KLC2: variants seen among roughly 807,000 people sequenced by gnomAD.
KLC2 encodes kinesin light chain 2.
A neutral mutation model predicts 75.1 loss-of-function variants in KLC2; 35 were observed. That is an observed-to-expected ratio of 0.47 (90% CI 0.36 to 0.62). The LOEUF (loss-of-function observed/expected upper bound fraction) is 0.62. Ranked by LOEUF, KLC2 falls within the 20% of genes least tolerant of loss-of-function variation. The probability of loss-of-function intolerance (pLI) is 0.00; values close to 1 mark genes in which losing one functional copy is unlikely to be tolerated. For missense variants in KLC2, 611 were observed against 833.2 expected, an observed-to-expected ratio of 0.73 and a Z score of 3.28; for synonymous variants, 314 against 336.7, an observed-to-expected ratio of 0.93 and a Z score of 0.74.
chr11:66,254,250 T>C (rs1044843046), upstream of KLC2, among the ~76,000 whole-genome samples: 14 of 152,232 alleles, frequency 9.2e-5, no homozygotes, highest in African/African-American at 2.9e-4. Context: ...AAAAAGCCCA[T>C]TGAGCCCGGT....
In KLC2 at chr11:66,263,757, G is replaced by A. The variant is rs1423597307; in HGVS notation, c.840+10G>A. 3.7e-6 allele frequency: 6 copies of A among 1,612,400 alleles called. No individual in the cohort carries two copies. Among genetic ancestry groups the A allele is most frequent in the Admixed American group, 3.3e-5 (2 of 60,004 alleles). ...CAAGGACCACCCAGCCGTGAGTGAG[G>A]GTTGGGTGGGAGGTGGGGGCTGTGC... On this transcript the variant is annotated intron_variant, in intron 6 of 15. Transcript: ENST00000394067.
rs186041288 is a variant in KLC2 at position 66,266,630 on chromosome 11, G to A, written c.1785+140G>A. 23 of 979,150 alleles carry A rather than the reference G, an allele frequency of 2.3e-5. No individual in the cohort carries two copies. The African/African-American group carries it at 3.4e-4, about 14-fold the overall frequency. The allele number at this position is 979,150 out of a possible 1,614,324, so 60.7% of individuals were successfully genotyped here. Reference sequence around the variant, plus strand: ...AGGCCTACTTTGGGCTGGACAACGGGGAGACACGAGGGGAACCCAGCCTCT... The same window carrying A: ...AGGCCTACTTTGGGCTGGACAACGGAGAGACACGAGGGGAACCCAGCCTCT... On this transcript the variant is annotated intron_variant, in intron 15 of 15. Transcript: ENST00000394067.
rs1306300268 is a variant in KLC2 at position 66,262,203 on chromosome 11, G to T, written c.529+11G>T. 2 of 1,611,484 alleles carry T rather than the reference G, an allele frequency of 1.2e-6. No homozygotes were observed. Among genetic ancestry groups the T allele is most frequent in the Non-Finnish European group, 1.7e-6 (2 of 1,178,286 alleles). On this transcript the variant is annotated intron_variant, in intron 4 of 15. Coordinates refer to ENST00000394067, the MANE Select transcript of KLC2 (RefSeq NM_001318734.2). The stretch of plus-strand genomic sequence containing the variant: ...ATGAGCAGAGCCCAGGTGCGGATGG[G>T]CAGTTCTGGAGTGGGGGAAGGAAAG...
rs770715787 is a variant in KLC2 at position 66,264,211 on chromosome 11, A to G, written c.1108A>G (p.Asn370Asp). 6.4e-7 allele frequency: 1 copy of G among 1,571,980 alleles called. No homozygotes were observed. The highest frequency in any genetic ancestry group is 8.6e-7 in the Non-Finnish European group (1 of 1,157,740). ...PDDPNVAKTK[N>D]NLASCYLKQG... is the part of the protein sequence containing the mutation. The stretch of plus-strand genomic sequence containing the variant: ...TGACCCCAATGTGGCCAAGACCAAG[A>G]ACAACCTGGTACCTTGGGGCTGAGA... Residue 370 changes from asparagine to aspartate, a missense_variant, in exon 8 of 16, where the codon AAC becomes GAC. Asn to Asp is a conservative substitution (Grantham distance 23, BLOSUM62 1). Coordinates refer to ENST00000394067, the MANE Select transcript of KLC2 (RefSeq NM_001318734.2).
upstream of KLC2, among the ~76,000 whole-genome samples, chr11:66,254,652 G>A (rs1315402305): frequency 3.1e-5 from 4 of 128,248 alleles, no homozygotes; most frequent in Non-Finnish European, 4.8e-5. Context: ...GTGACAGTGG[G>A]ACCTCGGCTC....
chr11:66,262,303 C>A, intron 4 of KLC2, 111 bp downstream of exon 4: 1 of 823,838 alleles, frequency 1.2e-6, no homozygotes, highest in Non-Finnish European at 2.0e-6. Flanking sequence ...TCATGACATC[C>A]TAGTGTGTTA....
chr11:66,248,321 A>G, the KLC2 span, among the ~76,000 whole-genome samples: 40 of 152,170 alleles, frequency 2.6e-4, no homozygotes, highest in Admixed American at 2.1e-3. Flanking sequence ...ACGATTATTA[A>G]CTAAAGTCCC....
At chr11:66,259,887 C>T (rs10791863) in intron 2 of KLC2, 26,567 of 152,056 alleles carry the variant, frequency 0.17, 2,401 homozygotes, top group East Asian at 0.27. Context: ...AGCATCACTC[C>T]CAAGTTTGTG....
upstream of KLC2, among the ~76,000 whole-genome samples, chr11:66,253,821 G>A (rs1420661845): frequency 3.3e-5 from 5 of 152,242 alleles, no homozygotes; most frequent in African/African-American, 7.2e-5. Flanking sequence ...AGCAGCCAGC[G>A]CCTAAGGAGA....
At chr11:66,252,453 C>T (rs1025884071), upstream of KLC2, among the ~76,000 whole-genome samples, 14 of 84,506 alleles carry the variant, frequency 1.7e-4, no homozygotes, top group South Asian at 1.8e-3. Flanking sequence ...TTAGTAGAGA[C>T]GGGGTTTCAC....
chr11:66,266,387 CG>C (rs770291149), intron 14 of KLC2, 45 bp from the exon 15 acceptor site: 5 of 1,561,608 alleles, frequency 3.2e-6, no homozygotes, highest in Non-Finnish European at 4.4e-6. Flanking sequence ...CCCCATCTCC[CG>C]TGAGTTCCTC....
chr11:66,254,647 A>G (rs1227848444), upstream of KLC2, among the ~76,000 whole-genome samples: 1 of 130,184 alleles, frequency 7.7e-6, no homozygotes, highest in Non-Finnish European at 1.6e-5. Flanking sequence ...CCTGGGTGAC[A>G]GTGGGACCTC....
At position 66,266,186 on chromosome 11, in the gene KLC2, G is replaced by C. The variant is rs1413986281; in HGVS notation, c.1696G>C (p.Gly566Arg). The change falls in exon 14 of 16, where the codon GGG becomes CGG. Residue 566 changes from glycine to arginine, a missense_variant. Physicochemically the swap from Gly to Arg is moderately radical, Grantham distance 125. Transcript: ENST00000394067. ...TGAGATGCTGGTAAAGAAGCTGCAG[G>C]GGGGCACCCCCCAGGAGCCCCCTAA... ...SSEMLVKKLQ[G>R]GTPQEPPNPR... The C allele has an allele frequency of 2.5e-6, 4 of 1,611,306 alleles. No individual in the cohort carries two copies. Among genetic ancestry groups the C allele is most frequent in the Non-Finnish European group, 3.4e-6 (4 of 1,179,122 alleles).
chr11:66,261,752 C>G lies in KLC2; in HGVS notation c.239C>G (p.Ala80Gly). 1 of 1,610,530 alleles carries G rather than the reference C, an allele frequency of 6.2e-7. No individual in the cohort carries two copies. The change falls in exon 3 of 16, where the codon GCA becomes GGA. Residue 80 changes from alanine (A) to glycine (G), a missense_variant. By Grantham distance (60) the Ala-to-Gly change is moderately conservative (BLOSUM62 0). Coordinates refer to ENST00000394067, the MANE Select transcript of KLC2 (RefSeq NM_001318734.2). ...GGGCTGGTTGCACAGGTGATCTTGG[C>G]ATTGTCGAGCCACCTGGGGGCTGTA... ...LGLGEAQVIL[A>G]LSSHLGAVES...
intron 11 of KLC2, 81 bp downstream of exon 11, chr11:66,265,316 C>A: frequency 8.2e-7 from 1 of 1,225,114 alleles, no homozygotes; most frequent in East Asian, 2.4e-5. Context: ...CCAACACACC[C>A]CTCCTCTGCT....
Position 66,267,414 on chromosome 11 carries a change from T to G in KLC2, c.*458T>G, listed in dbSNP as rs1565178515. On this transcript the variant is annotated 3_prime_UTR_variant, in exon 16 of 16. Coordinates refer to ENST00000394067, the MANE Select transcript of KLC2 (RefSeq NM_001318734.2). ...TACCCGGGCCTCCCCTCGTCCCTCTTCTAGTGGTACCGCCCAGGCCTTAAT... is the reference window on the plus strand; with the variant it reads ...TACCCGGGCCTCCCCTCGTCCCTCTGCTAGTGGTACCGCCCAGGCCTTAAT... The G allele has an allele frequency of 2.8e-6, 2 of 717,628 alleles. No homozygotes were observed. 44.5% of individuals were successfully genotyped at this position (717,628 alleles called of 1,614,324 possible).
rs1856815763 is a variant in KLC2, at chr11:66,266,227, C to T, written c.1727+10C>T. On this transcript the variant is annotated intron_variant, in intron 14 of 15. Coordinates refer to ENST00000394067, the MANE Select transcript of KLC2 (RefSeq NM_001318734.2). ...AGCCCCCTAACCCCAGGTGAGCCCC[C>T]CACCAAGGTGAGCCTCAAGAACCAC... 3.1e-6 allele frequency: 5 copies of T among 1,592,572 alleles called. No individual in the cohort carries two copies. The highest frequency in any genetic ancestry group is 4.3e-6 in the Non-Finnish European group (5 of 1,168,940).
rs956069314 is a variant in KLC2 at position 66,267,472 on chromosome 11, C to T, written c.*516C>T. On this transcript the variant is annotated 3_prime_UTR_variant, in exon 16 of 16. Coordinates refer to ENST00000394067, the MANE Select transcript of KLC2 (RefSeq NM_001318734.2). Reference sequence around the variant, plus strand: ...ATTCCGTGCGGTGGTATCTCCCAGGCTCTACATTCTCGGGAGCGGCGCCTC... The same window carrying T: ...ATTCCGTGCGGTGGTATCTCCCAGGTTCTACATTCTCGGGAGCGGCGCCTC... 4.2e-6 allele frequency: 3 copies of T among 707,644 alleles called. No homozygotes were observed. In the Admixed American group the frequency reaches 6.1e-5, roughly 14 times the overall value. The allele number at this position is 707,644 out of a possible 1,614,324, so 43.8% of individuals were successfully genotyped here. A position where few individuals can be genotyped will look rare whatever the true frequency, so the allele number is the denominator to read the frequency against.
At chr11:66,262,015 G>A in intron 3 of KLC2, 43 bp downstream of exon 3, 1 of 1,595,776 alleles carries the variant, frequency 6.3e-7, no homozygotes, top group Non-Finnish European at 8.6e-7. Context: ...AAGGAGGCCT[G>A]GGAGCAGGGA....
Sources: allele counts gnomAD v4.1 joint callset (sites outside exome capture counted in the v4.1 genomes callset), GRCh38; gene constraint gnomAD v4.1.1; transcripts MANE v1.5; gene names NCBI Gene and HGNC (gene_info 2026-07-23, HGNC 2026-07-21).